The following GET4 variants were observed in gnomAD, a reference collection of about 807,000 sequenced individuals.
The protein encoded by GET4 is guided entry of tail-anchored proteins factor 4.
Under a neutral mutation model 40.0 loss-of-function variants are expected in GET4, and 20 were observed. The ratio of observed to expected loss-of-function variants is 0.50; its 90% CI spans 0.35 to 0.73. The LOEUF (loss-of-function observed/expected upper bound fraction) is 0.73, where lower values mean the gene tolerates loss of function less well. GET4 is among the 30% of genes least tolerant of loss of function. The probability of loss-of-function intolerance (pLI) is 0.01; values close to 1 mark genes in which losing one functional copy is unlikely to be tolerated. For missense variants in GET4, 557 were observed against 454.0 expected (o/e 1.23, Z -2.06); for synonymous variants, 280 against 194.6 (o/e 1.44, Z -3.65).
intron 6 of GET4, 152 bp downstream of exon 6, chr7:892,570 G>C (rs1844351496): frequency 1.4e-6 from 1 of 717,414 alleles, no homozygotes; most frequent in Non-Finnish European, 2.3e-6. Context: ...GCTGGGTGTA[G>C]ACGTGGCATA....
At chr7:890,376 G>C (rs1315874358) in intron 4 of GET4, among the ~76,000 whole-genome samples, 1 of 30,346 alleles carries the variant, frequency 3.3e-5, no homozygotes, top group African/African-American at 1.2e-4. Context: ...GTGTCAGGAC[G>C]GGGTCTGGGA....
rs1291341540 is a variant in GET4, at chr7:893,879, C to T, written c.823-20C>T. 6 of 1,612,112 alleles carry T rather than the reference C, an allele frequency of 3.7e-6. No individual in the cohort carries two copies. In the South Asian group the frequency reaches 5.5e-5, roughly 15 times the overall value. On this transcript the variant is annotated intron_variant, in intron 7 of 8. Coordinates refer to ENST00000265857, the MANE Select transcript of GET4 (RefSeq NM_015949.3). ...CGGTCTGGGTCCACCCCCTCTGAGCCCGCTGCCTGTGCCTTGCAGTACCTC... is the reference window on the plus strand; with the variant it reads ...CGGTCTGGGTCCACCCCCTCTGAGCTCGCTGCCTGTGCCTTGCAGTACCTC...
chr7:891,850 G>C (rs1386465607), intron 5 of GET4, among the ~76,000 whole-genome samples: 1 of 152,178 alleles, frequency 6.6e-6, no homozygotes, highest in Non-Finnish European at 1.5e-5. Context: ...GGCTGACAGG[G>C]GCCCTGCCCC....
At chr7:894,745 G>GCCGT (rs1844434338) in intron 8 of GET4, among the ~76,000 whole-genome samples, 1 of 152,240 alleles carries the variant, frequency 6.6e-6, no homozygotes, top group South Asian at 2.1e-4. Context: ...CACTGCCACG[G>GCCGT]CCGTGTCTTT....
intron 1 of GET4, chr7:883,383 G>C: frequency 5.4e-6 from 2 of 369,122 alleles, no homozygotes; most frequent in Non-Finnish European, 7.5e-6. Context: ...AGAAGGGCGG[G>C]ATTCGCCCCA....
chr7:893,613 A>G (rs1400262556), intron 6 of GET4, 127 bp from the exon 7 acceptor site: 10 of 593,082 alleles, frequency 1.7e-5, no homozygotes, highest in South Asian at 1.1e-4. Flanking sequence ...CGGTGTGTGC[A>G]GGTGAGTGTT....
rs368468235 is a variant in GET4 at position 892,344 on chromosome 7, G to A, written c.672G>A (p.Pro224=). The part of the protein sequence containing the change: ...VVFTTYTQKH[P]SIEDGPPFVE... ...TCACGACGTACACCCAGAAGCACCC[G>A]TCCATCGAGGACGGGCCTCCGTTTG... The change falls in exon 6 of 9, where the codon CCG becomes CCA. Residue 224 remains proline (P), a synonymous_variant. Transcript: ENST00000265857. 1.2e-4 allele frequency: 190 copies of A among 1,596,328 alleles called. 1 individual carries two copies. Among genetic ancestry groups the A allele is most frequent in the Non-Finnish European group, 1.5e-4 (176 of 1,165,134 alleles).
Position 885,793 on chromosome 7 carries a change from C to T in GET4, c.156-263C>T, listed in dbSNP as rs1344326162. ...AGCTACTGAAACCGGTGAGCTGCTCCAGGGTGAGGCTGCTTTCTGGCTCCT... is the reference window on the plus strand; with the variant it reads ...AGCTACTGAAACCGGTGAGCTGCTCTAGGGTGAGGCTGCTTTCTGGCTCCT... On this transcript the variant is annotated intron_variant, in intron 1 of 8. Coordinates refer to ENST00000265857, the MANE Select transcript of GET4 (RefSeq NM_015949.3). 6.2e-6 allele frequency: 3 copies of T among 485,706 alleles called. No individual in the cohort carries two copies. The Admixed American group carries it at 1.1e-4, about 18-fold the overall frequency. 30.1% of individuals were successfully genotyped at this position (485,706 alleles called of 1,614,324 possible). A position where few individuals can be genotyped will look rare whatever the true frequency, so the allele number is the denominator to read the frequency against.
chr7:888,875 C>T (rs1007688069), intron 4 of GET4, among the ~76,000 whole-genome samples: 3 of 152,256 alleles, frequency 2.0e-5, no homozygotes, highest in Non-Finnish European at 4.4e-5. Flanking sequence ...GAGCTGCCCC[C>T]ACCCCCTGCC....
intron 4 of GET4, among the ~76,000 whole-genome samples, chr7:888,083 T>C (rs1340753558): frequency 6.6e-6 from 1 of 152,166 alleles, no homozygotes; most frequent in African/African-American, 2.4e-5. Context: ...GGATGGCAAG[T>C]GGCACCAGCG....
chr7:885,978 C>A, intron 1 of GET4, 78 bp from the exon 2 acceptor site: 1 of 896,522 alleles, frequency 1.1e-6, no homozygotes, highest in Non-Finnish European at 1.9e-6. Flanking sequence ...TTGTTTTTAG[C>A]TTCTGACCTG....
chr7:887,066 G>T, intron 3 of GET4: 1 of 603,390 alleles, frequency 1.7e-6, no homozygotes. Flanking sequence ...GAGATGCCCC[G>T]GGCCAGAGCC....
In GET4 at chr7:876,626, C is replaced by T. The variant is rs1400270901; in HGVS notation, c.-20C>T. ...GACCGCGCCTGCGACAGCGTCAGCC[C>T]TGCGCGGAGCGCCGGCCCGATGGCG... On this transcript the variant is annotated 5_prime_UTR_variant, in exon 1 of 9. Transcript: ENST00000265857. 4.9e-6 allele frequency: 6 copies of T among 1,225,628 alleles called. No individual in the cohort carries two copies. The highest frequency in any genetic ancestry group is 4.1e-6 in the Non-Finnish European group (4 of 978,718). The allele number at this position is 1,225,628 out of a possible 1,614,324, so 75.9% of individuals were successfully genotyped here.
At chr7:889,624 G>T (rs533781963) in intron 4 of GET4, among the ~76,000 whole-genome samples, 2 of 152,274 alleles carry the variant, frequency 1.3e-5, no homozygotes, top group South Asian at 4.1e-4. Flanking sequence ...GGCTCCCAAG[G>T]CATGCATGGG....
chr7:891,379 C>A (rs990188871), intron 5 of GET4, among the ~76,000 whole-genome samples: 3 of 152,206 alleles, frequency 2.0e-5, no homozygotes, highest in Non-Finnish European at 4.4e-5. Context: ...CCAGTTCTTT[C>A]CCGCACTATC....
At chr7:892,235 G>A in intron 5 of GET4, 43 bp from the exon 6 acceptor site, 1 of 1,578,090 alleles carries the variant, frequency 6.3e-7, no homozygotes, top group Non-Finnish European at 8.7e-7. Flanking sequence ...GGCAGAAGCT[G>A]TGTCCTCCAG....
chr7:882,329 C>T (rs1471638631), intron 1 of GET4: 1 of 152,300 alleles, frequency 6.6e-6, no homozygotes, highest in Non-Finnish European at 1.5e-5. Flanking sequence ...TTTTAACTCA[C>T]AGCCACAGCA....
At chr7:881,276 G>A (rs928049293) in intron 1 of GET4, 2 of 152,214 alleles carry the variant, frequency 1.3e-5, no homozygotes, top group African/African-American at 4.8e-5. Flanking sequence ...ACTATGACCA[G>A]TCAAGACACA....
chr7:884,009 G>A lies in GET4; in HGVS notation c.156-2047G>A, dbSNP rs868576269. Reference sequence around the variant, plus strand: ...TGCAAGGCGCAGTCCAAACCAGGCCGGGGGCCGTGACCATCGGCAGTGCCC... The same window carrying A: ...TGCAAGGCGCAGTCCAAACCAGGCCAGGGGCCGTGACCATCGGCAGTGCCC... On this transcript the variant is annotated intron_variant, in intron 1 of 8. Transcript: ENST00000265857. 6.0e-5 allele frequency: 68 copies of A among 1,133,420 alleles called. 1 individual carries two copies. The highest frequency in any genetic ancestry group is 4.9e-4 in the African/African-American group (30 of 61,082). 70.2% of individuals were successfully genotyped at this position (1,133,420 alleles called of 1,614,324 possible).
Sources: gnomAD v4.1 joint callset for allele counts (sites outside exome capture counted in the v4.1 genomes callset) on GRCh38, gnomAD v4.1.1 for gene constraint, MANE v1.5 for transcripts, NCBI Gene and HGNC (gene_info 2026-07-23, HGNC 2026-07-21) for gene names.